IL6R: variants seen among roughly 807,000 people sequenced by gnomAD.
IL6R encodes interleukin 6 receptor.
In IL6R, 38 loss-of-function variants were observed where a neutral mutation model predicts 48.3. The observed-to-expected ratio is 0.79, with a 90% CI of 0.61 to 1.03. The LOEUF is 1.03. Among genes scored for constraint, IL6R ranks in the 50% least tolerant of loss-of-function variants. The pLI is 0.00. For synonymous variants in IL6R, 264 were observed against 256.2 expected (o/e 1.03, Z -0.29); for missense variants, 534 against 618.3 (o/e 0.86, Z 1.45).
chr1:154,415,591 G>A (rs1688294631), intron 1 of IL6R, among the ~76,000 whole-genome samples: 1 of 152,222 alleles, frequency 6.6e-6, no homozygotes, highest in African/African-American at 2.4e-5. Context: ...AGAAGATCAA[G>A]TTAGTTAATC....
chr1:154,418,462 G>A (rs943460212), intron 1 of IL6R: 31 of 959,276 alleles, frequency 3.2e-5, no homozygotes, highest in Non-Finnish European at 3.8e-5. Context: ...AATACAAGCA[G>A]GTACAAGAAG....
chr1:154,418,736 G>A (rs1225406327), intron 1 of IL6R, among the ~76,000 whole-genome samples: 1 of 152,160 alleles, frequency 6.6e-6, no homozygotes, highest in African/African-American at 2.4e-5. Context: ...GCGAGATTTG[G>A]AGTCCAAGGG....
At chr1:154,419,725 C>G (rs1178435319) in intron 1 of IL6R, among the ~76,000 whole-genome samples, 2 of 152,218 alleles carry the variant, frequency 1.3e-5, no homozygotes, top group Admixed American at 6.5e-5. Context: ...GGAAGCTGAA[C>G]TTGTTTTTGC....
chr1:154,409,364 G>A (rs1421327181), intron 1 of IL6R, among the ~76,000 whole-genome samples: 2 of 152,042 alleles, frequency 1.3e-5, no homozygotes, highest in African/African-American at 4.8e-5. Context: ...TCTGCCTTCT[G>A]CTCTCCTCCA....
chr1:154,413,273 T>TA (rs1352252781), intron 1 of IL6R, among the ~76,000 whole-genome samples: 1 of 152,258 alleles, frequency 6.6e-6, no homozygotes, highest in Non-Finnish European at 1.5e-5. Context: ...GTGCTGGGAT[T>TA]ACAGGCATGG....
intron 1 of IL6R, among the ~76,000 whole-genome samples, chr1:154,410,081 A>G (rs1042317010): frequency 6.6e-6 from 1 of 152,080 alleles, no homozygotes; most frequent in African/African-American, 2.4e-5. Flanking sequence ...CTCTGTGGGG[A>G]CACATGGATG....
rs2149283557 is a variant in IL6R at position 154,468,427 on chromosome 1, G to T, written c.*3047G>T. Reference sequence around the variant, plus strand: ...GGGTGGGGAAAGTAAAAAATATGCTGGTTCAAGGCCTAAAGTAAAATGATC... The same window carrying T: ...GGGTGGGGAAAGTAAAAAATATGCTTGTTCAAGGCCTAAAGTAAAATGATC... On this transcript the variant is annotated 3_prime_UTR_variant, in exon 10 of 10. Transcript: ENST00000368485. The T allele has an allele frequency of 6.6e-6, 1 of 152,340 alleles. No individual in the cohort carries two copies. Among genetic ancestry groups the T allele is most frequent in the Admixed American group, 6.5e-5 (1 of 15,302 alleles). The allele number at this position is 152,340 out of a possible 1,614,324, so 9.4% of individuals were successfully genotyped here. A position where few individuals can be genotyped will look rare whatever the true frequency, so the allele number is the denominator to read the frequency against.
chr1:154,412,805 G>A (rs1248309945), intron 1 of IL6R, among the ~76,000 whole-genome samples: 2 of 152,108 alleles, frequency 1.3e-5, no homozygotes, highest in Non-Finnish European at 2.9e-5. Context: ...GTGAGGCCTA[G>A]AGAGGTTGAG....
intron 1 of IL6R, among the ~76,000 whole-genome samples, chr1:154,424,541 C>T (rs751442151): frequency 2.6e-5 from 4 of 152,216 alleles, no homozygotes; most frequent in Non-Finnish European, 4.4e-5. Context: ...TCCATCTTTG[C>T]TCCTGCAAGT....
intron 8 of IL6R, among the ~76,000 whole-genome samples, chr1:154,452,633 C>T (rs1690649376): frequency 6.6e-6 from 1 of 150,910 alleles, no homozygotes; most frequent in Non-Finnish European, 1.5e-5. Flanking sequence ...AGATCAGGAC[C>T]ATCCTGGCTA....
intron 1 of IL6R, among the ~76,000 whole-genome samples, chr1:154,427,236 G>A (rs1160368724): frequency 6.6e-6 from 1 of 151,720 alleles, no homozygotes; most frequent in Non-Finnish European, 1.5e-5. Context: ...CTGAGGACCA[G>A]GACAGTACTG....
rs749338745 is a variant in IL6R at position 154,465,235 on chromosome 1, C to T, written c.1262C>T (p.Thr421Ile). The change falls in exon 10 of 10, where the codon ACC becomes ATC. Residue 421 changes from threonine (T) to isoleucine (I), a missense_variant. By Grantham distance (89) the Thr-to-Ile change is moderately conservative (BLOSUM62 -1). Coordinates refer to ENST00000368485, the MANE Select transcript of IL6R (RefSeq NM_000565.4). ...GQLVPERPRP[T>I]PVLVPLISPP... The stretch of plus-strand genomic sequence containing the variant: ...CTGGTCCCGGAGAGGCCTCGACCCA[C>T]CCCAGTGCTTGTTCCTCTCATCTCC... 5.3e-5 allele frequency: 86 copies of T among 1,614,234 alleles called. No homozygotes were observed. The East Asian group carries it at 1.8e-3, about 33-fold the overall frequency.
chr1:154,447,948 A>G (rs1690365883), intron 6 of IL6R, among the ~76,000 whole-genome samples, 177 bp from the exon 7 acceptor site: 1 of 152,112 alleles, frequency 6.6e-6, no homozygotes, highest in Admixed American at 6.5e-5. Context: ...TCCTAACCTC[A>G]GGTGATCTAC....
At chr1:154,426,379 G>A (rs963825800) in intron 1 of IL6R, among the ~76,000 whole-genome samples, 12 of 151,910 alleles carry the variant, frequency 7.9e-5, no homozygotes, top group African/African-American at 2.7e-4. Context: ...AAATTAGCCG[G>A]GCATGGTGGT....
intron 3 of IL6R, among the ~76,000 whole-genome samples, chr1:154,433,035 A>T (rs1689392176): frequency 6.6e-6 from 1 of 152,210 alleles, no homozygotes; most frequent in Non-Finnish European, 1.5e-5. Context: ...GTGCTGGGGC[A>T]GTGGGAGGAA....
intron 8 of IL6R, among the ~76,000 whole-genome samples, chr1:154,450,864 A>T (rs1393795097): frequency 6.6e-6 from 1 of 152,216 alleles, no homozygotes; most frequent in Non-Finnish European, 1.5e-5. Context: ...GCCTGCACTG[A>T]TGCTGGCTGC....
In IL6R at chr1:154,436,109, A is replaced by C; in HGVS notation, c.948A>C (p.Thr316=). The change falls in exon 6 of 10, where the codon ACA becomes ACC. Residue 316 remains threonine, a splice_region_variant and synonymous_variant. Transcript: ENST00000368485. ...CGGAGGCCATGGGCACGCCTTGGAC[A>C]GGTACTGCGGTGGGCACTGAGAAAG... ...WSPEAMGTPW[T]ESRSPPAENE... The C allele has an allele frequency of 6.2e-7, 1 of 1,607,218 alleles. No individual in the cohort carries two copies. The highest frequency in any genetic ancestry group is 8.5e-7 in the Non-Finnish European group (1 of 1,174,956).
intron 9 of IL6R, among the ~76,000 whole-genome samples, chr1:154,455,952 G>T (rs1422340972): frequency 2.0e-5 from 3 of 151,846 alleles, no homozygotes; most frequent in African/African-American, 7.2e-5. Flanking sequence ...AGCTACTCGG[G>T]AAACTGAGGC....
intron 9 of IL6R, among the ~76,000 whole-genome samples, chr1:154,461,918 A>C (rs1314522221): frequency 6.6e-6 from 1 of 152,162 alleles, no homozygotes; most frequent in East Asian, 1.9e-4. Context: ...TTCCTCTGTG[A>C]GGGTCTTCAA....
Sources: allele counts gnomAD v4.1 joint callset (sites outside exome capture counted in the v4.1 genomes callset), GRCh38; gene constraint gnomAD v4.1.1; transcripts MANE v1.5; gene names NCBI Gene and HGNC (gene_info 2026-07-23, HGNC 2026-07-21).